The following EBF1 variants were observed in gnomAD, a reference collection of about 807,000 sequenced individuals.
EBF1 encodes the protein EBF transcription factor 1.
A neutral mutation model predicts 68.4 loss-of-function variants in EBF1; 10 were observed. The observed-to-expected ratio is 0.15, with a 90% CI of 0.09 to 0.25. EBF1 has a LOEUF of 0.25. Ranked by LOEUF, EBF1 falls within the 10% of genes least tolerant of loss-of-function variation. The probability of loss-of-function intolerance (pLI) is 1.00; values close to 1 mark genes in which losing one functional copy is unlikely to be tolerated. For missense variants in EBF1, 509 were observed against 794.4 expected (o/e 0.64, Z 4.32); for synonymous variants, 298 against 299.8 (o/e 0.99, Z 0.06).
intron 8 of EBF1, among the ~76,000 whole-genome samples, chr5:158,799,460 C>T (rs1451855170): frequency 6.6e-6 from 1 of 151,948 alleles, no homozygotes; most frequent in Non-Finnish European, 1.5e-5. Context: ...TTAAAGAATG[C>T]TAAGTATCCA....
chr5:158,759,461 G>A (rs1541648), intron 10 of EBF1, among the ~76,000 whole-genome samples: 10,904 of 152,238 alleles, frequency 0.072, 484 homozygotes, highest in Non-Finnish European at 0.088. Flanking sequence ...AGCTGGTACG[G>A]CTCATATTTC....
intron 6 of EBF1, among the ~76,000 whole-genome samples, chr5:159,069,848 A>G (rs1296588845): frequency 1.3e-5 from 2 of 152,210 alleles, no homozygotes; most frequent in East Asian, 3.8e-4. Flanking sequence ...GGTTTTATTT[A>G]TTGAACTAAG....
intron 6 of EBF1, among the ~76,000 whole-genome samples, chr5:158,849,063 T>C (rs538919930): frequency 3.3e-5 from 5 of 152,224 alleles, no homozygotes; most frequent in Non-Finnish European, 7.3e-5. Flanking sequence ...ATGATTTTGG[T>C]TCAAGTTTTT....
chr5:158,834,579 C>T (rs1329142406), intron 7 of EBF1, among the ~76,000 whole-genome samples: 1 of 152,080 alleles, frequency 6.6e-6, no homozygotes, highest in Non-Finnish European at 1.5e-5. Context: ...TGAACACAGC[C>T]CAGCTCTGCA....
At chr5:158,915,945 A>G (rs1219792573) in intron 6 of EBF1, among the ~76,000 whole-genome samples, 1 of 152,174 alleles carries the variant, frequency 6.6e-6, no homozygotes, top group East Asian at 1.9e-4. Context: ...GGAGTCTCTC[A>G]AGAGCAAAGG....
intron 6 of EBF1, among the ~76,000 whole-genome samples, chr5:158,843,235 T>C (rs1582462959): frequency 6.6e-6 from 1 of 152,146 alleles, no homozygotes; most frequent in East Asian, 1.9e-4. Context: ...CAGATTCAGG[T>C]TGTGCTAGAA....
chr5:158,868,934 A>G (rs1236750807), intron 6 of EBF1, among the ~76,000 whole-genome samples: 3 of 152,202 alleles, frequency 2.0e-5, no homozygotes, highest in East Asian at 1.9e-4. Flanking sequence ...ACTAACAGCA[A>G]TCGAAGGAGG....
intron 9 of EBF1, among the ~76,000 whole-genome samples, chr5:158,779,483 C>T (rs34478365): frequency 0.078 from 11,894 of 152,130 alleles, 514 homozygotes; most frequent in South Asian, 0.11. Context: ...ATGCTCTCTC[C>T]ATTTTTCATT....
intron 6 of EBF1, among the ~76,000 whole-genome samples, chr5:159,061,771 C>T (rs1341745222): frequency 2.6e-5 from 4 of 151,516 alleles, no homozygotes; most frequent in Admixed American, 6.6e-5. Flanking sequence ...AAAATAGCCG[C>T]GGAGGAATCT....
At chr5:159,074,389 G>T (rs920679343) in intron 5 of EBF1, among the ~76,000 whole-genome samples, 1 of 152,066 alleles carries the variant, frequency 6.6e-6, no homozygotes, top group Non-Finnish European at 1.5e-5. Flanking sequence ...CTGCACCAGG[G>T]GCATACTTAT....
At chr5:158,778,091 A>G (rs1181278043) in intron 9 of EBF1, among the ~76,000 whole-genome samples, 5 of 152,118 alleles carry the variant, frequency 3.3e-5, no homozygotes, top group African/African-American at 4.8e-5. Flanking sequence ...GGAATAGCTT[A>G]TGGATCTAGC....
At chr5:158,708,838 CT>C (rs1039347453) in intron 14 of EBF1, among the ~76,000 whole-genome samples, 2 of 152,196 alleles carry the variant, frequency 1.3e-5, no homozygotes, top group African/African-American at 4.8e-5. Flanking sequence ...GTTCCAAATT[CT>C]TTATAACCGC....
At chr5:158,795,759 CAT>C (rs1040151788) in intron 9 of EBF1, among the ~76,000 whole-genome samples, 15 of 152,276 alleles carry the variant, frequency 9.9e-5, no homozygotes, top group Middle Eastern at 3.4e-3. Flanking sequence ...ACAATTAGAA[CAT>C]AGTCATTTTC....
At chr5:158,790,801 A>G (rs1364920445) in intron 9 of EBF1, among the ~76,000 whole-genome samples, 1 of 152,192 alleles carries the variant, frequency 6.6e-6, no homozygotes, top group Non-Finnish European at 1.5e-5. Context: ...AAGCATAGAG[A>G]GTAAAAATAT....
chr5:158,986,689 C>T (rs1759155969), intron 6 of EBF1, among the ~76,000 whole-genome samples: 1 of 152,184 alleles, frequency 6.6e-6, no homozygotes, highest in African/African-American at 2.4e-5. Context: ...GTGGACTTTT[C>T]TCAGTTGTGA....
intron 10 of EBF1, among the ~76,000 whole-genome samples, chr5:158,755,715 C>A (rs1236739451): frequency 2.0e-5 from 3 of 152,062 alleles, no homozygotes; most frequent in Non-Finnish European, 4.4e-5. Context: ...CTGAGGCCTG[C>A]AAGGGCCTTG....
At chr5:158,895,313 G>A (rs1801958116) in intron 6 of EBF1, among the ~76,000 whole-genome samples, 1 of 152,176 alleles carries the variant, frequency 6.6e-6, no homozygotes, top group Non-Finnish European at 1.5e-5. Flanking sequence ...GATTGCTTGA[G>A]CCTAGGAATT....
At chr5:159,046,379 C>T (rs1772402559) in intron 6 of EBF1, among the ~76,000 whole-genome samples, 1 of 152,140 alleles carries the variant, frequency 6.6e-6, no homozygotes, top group African/African-American at 2.4e-5. Flanking sequence ...TTAGCTATTC[C>T]CATAATTGTG....
chr5:159,004,885 A>C (rs1030262345), intron 6 of EBF1, among the ~76,000 whole-genome samples: 1 of 152,198 alleles, frequency 6.6e-6, no homozygotes, highest in African/African-American at 2.4e-5. Context: ...GAAGCCAGCC[A>C]GCAATATATC....
Sources: allele counts gnomAD v4.1 joint callset (sites outside exome capture counted in the v4.1 genomes callset), GRCh38; gene constraint gnomAD v4.1.1; transcripts MANE v1.5; gene names NCBI Gene and HGNC (gene_info 2026-07-23, HGNC 2026-07-21).